The following KIF26B variants were observed in gnomAD, a reference collection of about 807,000 sequenced individuals.
KIF26B encodes the protein kinesin-like protein KIF26B.
Under a neutral mutation model 151.2 loss-of-function variants are expected in KIF26B, and 63 were observed. That is an observed-to-expected ratio of 0.42 (90% CI 0.34 to 0.51). The LOEUF (loss-of-function observed/expected upper bound fraction) is 0.51, where lower values mean the gene tolerates loss of function less well. KIF26B is among the 20% of genes least tolerant of loss of function. KIF26B has a pLI of 0.07. For synonymous variants in KIF26B, 1,357 were observed against 1,262.1 expected (o/e 1.08, Z -1.59); for missense variants, 2,813 against 2,913.6 (o/e 0.97, Z 0.79).
At chr1:245,619,125 G>A (rs1441698842) in intron 9 of KIF26B, among the ~76,000 whole-genome samples, 5 of 140,786 alleles carry the variant, frequency 3.6e-5, no homozygotes, top group African/African-American at 8.3e-5. Context: ...TGTGTCTGCT[G>A]CGTGCTGTTG....
In KIF26B at chr1:245,156,335, C is replaced by T. The variant is rs1464405924; in HGVS notation, c.117C>T (p.Ser39=). The stretch of plus-strand genomic sequence containing the variant: ...CCGCAGCGCCCTTCTCCCCGGAAAG[C>T]TGGTACCGGAAAGCATACGAGGAGT... ...TKPAAPFSPE[S]WYRKAYEESR... The change falls in exon 2 of 15, where the codon AGC becomes AGT. Residue 39 remains serine (S), a synonymous_variant. Coordinates refer to ENST00000407071, the MANE Select transcript of KIF26B (RefSeq NM_018012.4). 4.5e-6 allele frequency: 7 copies of T among 1,547,432 alleles called. No homozygotes were observed. The Admixed American group carries it at 1.4e-4, about 30-fold the overall frequency.
chr1:245,284,194 G>A (rs754447883), intron 2 of KIF26B, among the ~76,000 whole-genome samples: 54 of 152,028 alleles, frequency 3.6e-4, no homozygotes, highest in Admixed American at 7.9e-4. Flanking sequence ...TTTATCAATG[G>A]TATATAGTAT....
intron 2 of KIF26B, among the ~76,000 whole-genome samples, chr1:245,264,501 C>G (rs1044564863): frequency 1.3e-5 from 2 of 151,608 alleles, no homozygotes; most frequent in African/African-American, 4.9e-5. Context: ...ACTGTTAACA[C>G]TATTTAAGTG....
At chr1:245,238,110 A>C (rs1046711157) in intron 2 of KIF26B, among the ~76,000 whole-genome samples, 1 of 152,140 alleles carries the variant, frequency 6.6e-6, no homozygotes, top group Non-Finnish European at 1.5e-5. Context: ...AGGCAGGCAG[A>C]TCACCTGAGG....
intron 10 of KIF26B, among the ~76,000 whole-genome samples, chr1:245,674,598 C>G (rs2044334271): frequency 6.6e-6 from 1 of 152,186 alleles, no homozygotes; most frequent in Admixed American, 6.5e-5. Context: ...ATAAAGTCCA[C>G]TAATTCACCT....
At chr1:245,378,010 C>T (rs1673318295) in intron 3 of KIF26B, among the ~76,000 whole-genome samples, 1 of 152,132 alleles carries the variant, frequency 6.6e-6, no homozygotes, top group Admixed American at 6.5e-5. Context: ...TCTGAACTTA[C>T]AGAATACCTT....
intron 2 of KIF26B, among the ~76,000 whole-genome samples, chr1:245,265,108 A>C (rs942749372): frequency 1.3e-5 from 2 of 150,342 alleles, no homozygotes; most frequent in Admixed American, 1.3e-4. Context: ...AGGCTGAGGC[A>C]GGAGAATGGT....
At chr1:245,370,586 C>T (rs771101806) in intron 3 of KIF26B, 8 of 456,600 alleles carry the variant, frequency 1.8e-5, no homozygotes, top group Admixed American at 7.0e-5. Context: ...GACTCCGAAG[C>T]TCTTGTCACA....
intron 5 of KIF26B, among the ~76,000 whole-genome samples, chr1:245,557,084 C>T (rs1212519778): frequency 6.6e-6 from 1 of 152,238 alleles, no homozygotes; most frequent in Non-Finnish European, 1.5e-5. Flanking sequence ...CCTAACACCT[C>T]CGAGTGCCTC....
intron 9 of KIF26B, among the ~76,000 whole-genome samples, chr1:245,613,137 A>G (rs1010937032): frequency 6.6e-6 from 1 of 152,096 alleles, no homozygotes; most frequent in African/African-American, 2.4e-5. Flanking sequence ...CTTTCAATAC[A>G]CAGGCAACTG....
chr1:245,638,383 A>G (rs2043856275), intron 9 of KIF26B, among the ~76,000 whole-genome samples: 1 of 151,906 alleles, frequency 6.6e-6, no homozygotes, highest in Admixed American at 6.6e-5. Context: ...TTTTTGGTGG[A>G]ATCTTTAGAT....
In KIF26B at chr1:245,227,754, A is replaced by G. The variant is rs573430003; in HGVS notation, c.465+71071A>G. Among the ~76,000 whole-genome samples, 40 of 152,236 alleles carry G rather than the reference A, an allele frequency of 2.6e-4. No individual in the cohort carries two copies. In the South Asian group the frequency reaches 7.9e-3, roughly 30 times the overall value. ...GGTGGCTCACGCCTGTGATTCCAGCACTTTAGGAGGCTGAGGTGGGTGGAT... is the reference window on the plus strand; with the variant it reads ...GGTGGCTCACGCCTGTGATTCCAGCGCTTTAGGAGGCTGAGGTGGGTGGAT... On this transcript the variant is annotated intron_variant, in intron 2 of 14. Transcript: ENST00000407071. The surrounding 1 kb of genome is among the most constrained non-coding windows in gnomAD (Gnocchi z 4.1).
chr1:245,263,615 C>G (rs1670691272), intron 2 of KIF26B, among the ~76,000 whole-genome samples: 1 of 152,208 alleles, frequency 6.6e-6, no homozygotes, highest in South Asian at 2.1e-4. Context: ...ATCTTGCCCT[C>G]AGGACTCAGG....
At chr1:245,248,360 A>T (rs1670375405) in intron 2 of KIF26B, among the ~76,000 whole-genome samples, 2 of 152,184 alleles carry the variant, frequency 1.3e-5, no homozygotes, top group South Asian at 4.1e-4. Flanking sequence ...GTGAGAAGGC[A>T]CGCTTACCTT....
chr1:245,491,349 G>T (rs1660405753), intron 4 of KIF26B, among the ~76,000 whole-genome samples: 1 of 152,288 alleles, frequency 6.6e-6, no homozygotes, highest in Middle Eastern at 3.4e-3. Context: ...CCACCCTACT[G>T]ACTGCATTGT....
intron 4 of KIF26B, among the ~76,000 whole-genome samples, chr1:245,487,754 C>T (rs1427734301): frequency 6.6e-6 from 1 of 150,536 alleles, no homozygotes; most frequent in South Asian, 2.1e-4. Flanking sequence ...CATGTCACCA[C>T]ATCCAGCTAA....
chr1:245,306,784 C>T (rs555808396), intron 2 of KIF26B, among the ~76,000 whole-genome samples: 2 of 152,262 alleles, frequency 1.3e-5, no homozygotes, highest in South Asian at 2.1e-4. Context: ...GTCTGCCTTG[C>T]GTTATATTTA....
At chr1:245,313,941 T>C (rs982128330) in intron 2 of KIF26B, among the ~76,000 whole-genome samples, 2 of 152,308 alleles carry the variant, frequency 1.3e-5, no homozygotes, top group South Asian at 2.1e-4. Context: ...TCTGGGTTTG[T>C]GAAGCTCCTT....
Position 245,606,061 on chromosome 1 carries a change from A to G in KIF26B, c.1558-1590A>G, listed in dbSNP as rs1629928. 0.29 allele frequency among the ~76,000 whole-genome samples: 44,085 copies of G among 152,008 alleles called. 6,511 individuals are homozygous for G. The highest frequency in any genetic ancestry group is 0.36 in the East Asian group (1,863 of 5,152). On this transcript the variant is annotated intron_variant, in intron 6 of 14. Transcript: ENST00000407071. This position sits in a 1 kb window ranked among gnomAD's most constrained non-coding sequence, Gnocchi z 4.6. ...TGCAGACACGCCTCTGGCAAATTCC[A>G]TCAAGACGCTACTGCTTCTGTCTCA...
Sources: gnomAD v4.1 joint callset for allele counts (sites outside exome capture counted in the v4.1 genomes callset) on GRCh38, gnomAD v4.1.1 for gene constraint, Gnocchi (gnomAD v3.1) non-coding constraint, MANE v1.5 for transcripts, NCBI Gene and HGNC (gene_info 2026-07-23, HGNC 2026-07-21) for gene names.